FGD6: variants seen among roughly 807,000 people sequenced by gnomAD.
The protein encoded by FGD6 is FYVE, RhoGEF and PH domain-containing protein 6.
A neutral mutation model predicts 149.4 loss-of-function variants in FGD6; 90 were observed. The ratio of observed to expected loss-of-function variants is 0.60; its 90% confidence interval spans 0.51 to 0.72. The LOEUF (loss-of-function observed/expected upper bound fraction) is 0.72. Ranked by LOEUF, FGD6 falls within the 30% of genes least tolerant of loss-of-function variation. The probability of loss-of-function intolerance (pLI) is 0.00; values close to 1 mark genes in which losing one functional copy is unlikely to be tolerated. For synonymous variants in FGD6, 527 were observed against 584.0 expected (o/e 0.90, Z 1.41); for missense variants, 1,437 against 1,684.8 (o/e 0.85, Z 2.57).
chr12:95,110,784 T>C (rs1878795032), intron 9 of FGD6, among the ~76,000 whole-genome samples: 2 of 152,170 alleles, frequency 1.3e-5, no homozygotes, highest in Non-Finnish European at 2.9e-5. Flanking sequence ...TAAGATTTAA[T>C]GGATGACAAA....
In FGD6 at chr12:95,091,348, A is replaced by G. The variant is rs879205018; in HGVS notation, c.3850+359T>C. The stretch of plus-strand genomic sequence containing the variant: ...TAAGCTAACGAAGTGCCACCTAAGT[A>G]AAGAGAATTACTTTACATATAGATA... On this transcript the variant is annotated intron_variant, in intron 17 of 20. Transcript: ENST00000343958. Among the ~76,000 whole-genome samples the G allele has an allele frequency of 2.6e-5, 4 of 152,330 alleles. 1 individual carries two copies. The highest frequency in any genetic ancestry group is 2.6e-4 in the Admixed American group (4 of 15,304).
intron 14 of FGD6, among the ~76,000 whole-genome samples, chr12:95,095,505 T>C (rs1878203860): frequency 6.6e-6 from 1 of 152,014 alleles, no homozygotes; most frequent in Non-Finnish European, 1.5e-5. Flanking sequence ...GAGAGGCACA[T>C]GTTAGGTATT....
At chr12:95,093,925 C>T (rs565650536) in intron 15 of FGD6, among the ~76,000 whole-genome samples, 20 of 151,594 alleles carry the variant, frequency 1.3e-4, no homozygotes, top group African/African-American at 4.8e-4. Context: ...TTTGGAAGGC[C>T]GAGGCAGGCG....
At position 95,077,769 on chromosome 12, in the gene FGD6, T is replaced by C. The variant is rs962121221; in HGVS notation, c.*3751A>G. ...GTAATTGCAGAGTCTTGTTGAGAGT[T>C]AGAGGCAGATTCTGGAGTCTCAAAT... is the stretch of plus-strand genomic sequence containing the variant. On this transcript the variant is annotated 3_prime_UTR_variant, in exon 21 of 21. Transcript: ENST00000343958. 1.3e-5 allele frequency: 2 copies of C among 152,186 alleles called. No individual in the cohort carries two copies. Among genetic ancestry groups the C allele is most frequent in the African/African-American group, 4.8e-5 (2 of 41,430 alleles). The allele number at this position is 152,186 out of a possible 1,614,324, so 9.4% of individuals were successfully genotyped here.
intron 16 of FGD6, 70 bp from the exon 17 acceptor site, chr12:95,091,879 T>C: frequency 8.5e-7 from 1 of 1,181,274 alleles, no homozygotes; most frequent in East Asian, 2.4e-5. Flanking sequence ...ATAAAGTATG[T>C]TACAATTTAC....
intron 2 of FGD6, among the ~76,000 whole-genome samples, chr12:95,201,075 G>T (rs948146796): frequency 6.6e-6 from 1 of 151,260 alleles, no homozygotes; most frequent in African/African-American, 2.4e-5. Context: ...TTATCTATGC[G>T]ATTCCAGGAA....
chr12:95,150,606 C>A (rs1367494260), intron 5 of FGD6, among the ~76,000 whole-genome samples: 1 of 151,634 alleles, frequency 6.6e-6, no homozygotes, highest in Non-Finnish European at 1.5e-5. Flanking sequence ...GTTAGGGTGA[C>A]AAAACATTGT....
At chr12:95,108,025 A>G (rs1878688205) in intron 11 of FGD6, among the ~76,000 whole-genome samples, 1 of 152,130 alleles carries the variant, frequency 6.6e-6, no homozygotes, top group African/African-American at 2.4e-5. Context: ...ATCCTCTCTT[A>G]CATTAAAGAT....
chr12:95,141,407 C>G lies in FGD6; in HGVS notation c.2818G>C (p.Glu940Gln), dbSNP rs1392910106. The change falls in exon 6 of 21, where the codon GAG (glutamate) becomes CAG (glutamine). Residue 940 changes from glutamate (E) to glutamine (Q), a missense_variant. By Grantham distance (29) the Glu-to-Gln change is conservative. This residue lies in a region of FGD6 where 1,055 missense variants were observed against 1,146.0 expected (regional missense o/e 0.92). Coordinates refer to ENST00000343958, the MANE Select transcript of FGD6 (RefSeq NM_018351.4). ...TTTTACCAGTGCAACATTCTTTCCT[C>G]CAGTTCCTTCAAGAGATCCCGGTTG... ...ELNRDLLKEL[E>Q]ERMLHWTEQQ... The G allele has an allele frequency of 1.2e-6, 2 of 1,613,900 alleles. No homozygotes were observed. Among genetic ancestry groups the G allele is most frequent in the African/African-American group, 2.7e-5 (2 of 74,902 alleles).
At chr12:95,161,420 C>G (rs1026592109) in intron 3 of FGD6, among the ~76,000 whole-genome samples, 2 of 151,698 alleles carry the variant, frequency 1.3e-5, no homozygotes, top group Admixed American at 1.3e-4. Flanking sequence ...CACTAGAACC[C>G]AGGAGGCAGA....
At chr12:95,113,851 G>A (rs1878918468) in intron 8 of FGD6, 150 bp from the exon 9 acceptor site, 1 of 507,976 alleles carries the variant, frequency 2.0e-6, no homozygotes, top group Non-Finnish European at 3.4e-6. Context: ...AAAAAATAAA[G>A]CCCTGAGATC....
At chr12:95,113,164 C>T (rs764730320) in intron 9 of FGD6, among the ~76,000 whole-genome samples, 2 of 151,746 alleles carry the variant, frequency 1.3e-5, no homozygotes, top group Non-Finnish European at 2.9e-5. Context: ...ATCCCCAGCA[C>T]TGCTTTACTA....
In FGD6 at chr12:95,187,279, C is replaced by T. The variant is rs544620075; in HGVS notation, c.2442-14535G>A. 1.5e-4 allele frequency among the ~76,000 whole-genome samples: 23 copies of T among 149,868 alleles called. No homozygotes were observed. In the South Asian group the frequency reaches 4.2e-3, roughly 28 times the overall value. On this transcript the variant is annotated intron_variant, in intron 2 of 20. Coordinates refer to ENST00000343958, the MANE Select transcript of FGD6 (RefSeq NM_018351.4). ...CCAGGAGGCGGAGCTTGCAGTGAGC[C>T]GAGATCGTGCCACTGCACTCCAGCC... is the stretch of plus-strand genomic sequence containing the variant.
intron 8 of FGD6, among the ~76,000 whole-genome samples, chr12:95,122,645 CAAAAAAA>C (rs397687285): frequency 5.4e-4 from 35 of 64,430 alleles, no homozygotes; most frequent in African/African-American, 2.2e-3. Flanking sequence ...GACTCAGTCT[CAAAAAAA>C]AAAAAAAAAA....
At chr12:95,099,487 T>C (rs1282219186) in intron 14 of FGD6, among the ~76,000 whole-genome samples, 2 of 152,206 alleles carry the variant, frequency 1.3e-5, no homozygotes, top group East Asian at 1.9e-4. Context: ...ACATTCAATA[T>C]GCCTTAGCTC....
At chr12:95,149,321 A>G (rs1880209839) in intron 5 of FGD6, among the ~76,000 whole-genome samples, 1 of 101,124 alleles carries the variant, frequency 9.9e-6, no homozygotes, top group Non-Finnish European at 1.8e-5. Context: ...TATATAGCAT[A>G]TATTATATAA....
At chr12:95,198,156 T>C (rs904704573) in intron 2 of FGD6, among the ~76,000 whole-genome samples, 9 of 152,138 alleles carry the variant, frequency 5.9e-5, no homozygotes, top group Admixed American at 4.6e-4. Context: ...AATAAAATAA[T>C]AGTGAAACCA....
intron 3 of FGD6, among the ~76,000 whole-genome samples, chr12:95,167,926 G>C (rs1242955658): frequency 6.6e-6 from 1 of 152,050 alleles, no homozygotes; most frequent in African/African-American, 2.4e-5. Context: ...AATCCATTTT[G>C]AGTTAGTTTT....
chr12:95,198,766 A>G (rs1455320332), intron 2 of FGD6, among the ~76,000 whole-genome samples: 1 of 152,190 alleles, frequency 6.6e-6, no homozygotes. Flanking sequence ...AACTCATGCT[A>G]TTTATGTGAA....
Sources: allele counts gnomAD v4.1 joint callset (sites outside exome capture counted in the v4.1 genomes callset), GRCh38; gene constraint gnomAD v4.1.1; regional missense constraint gnomAD v4.1.1; transcripts MANE v1.5; gene names NCBI Gene and HGNC (gene_info 2026-07-23, HGNC 2026-07-21).